Variants in HELLS observed in about 807,000 individuals in gnomAD.
HELLS encodes helicase, lymphoid specific, also known as lymphoid-specific helicase.
HELLS carries 32 observed loss-of-function variants against 120.0 expected under a neutral mutation model. The ratio of observed to expected loss-of-function variants is 0.27; its 90% confidence interval spans 0.20 to 0.36. HELLS has a LOEUF of 0.36. Among genes scored for constraint, HELLS ranks in the 10% least tolerant of loss-of-function variants. HELLS has a pLI of 1.00. For missense variants in HELLS, 650 were observed against 993.4 expected (o/e 0.65, Z 4.65); for synonymous variants, 341 against 323.4 (o/e 1.05, Z -0.58).
chr10:94,559,565 C>T (rs912104471), intron 4 of HELLS, among the ~76,000 whole-genome samples: 8 of 151,994 alleles, frequency 5.3e-5, no homozygotes, highest in African/African-American at 1.9e-4. Context: ...TCTGCCTCAG[C>T]CTCCCGAGTA....
At chr10:94,583,630 A>G (rs1251817732) in intron 12 of HELLS, among the ~76,000 whole-genome samples, 5 of 152,114 alleles carry the variant, frequency 3.3e-5, no homozygotes, top group Non-Finnish European at 7.4e-5. Flanking sequence ...CTTCCTCTTA[A>G]AATTGTATTT....
intron 10 of HELLS, chr10:94,577,103 T>C (rs1322400551): frequency 1.6e-5 from 8 of 492,322 alleles, no homozygotes; most frequent in Admixed American, 2.8e-5. Context: ...ACAGGTACTT[T>C]GAATATATGG....
At chr10:94,558,833 C>T (rs1843399874) in intron 4 of HELLS, among the ~76,000 whole-genome samples, 1 of 152,222 alleles carries the variant, frequency 6.6e-6, no homozygotes, top group African/African-American at 2.4e-5. Flanking sequence ...CATCTCCTGA[C>T]CTTGTGATCT....
At chr10:94,567,225 C>T (rs1262096618) in intron 6 of HELLS, among the ~76,000 whole-genome samples, 7 of 152,090 alleles carry the variant, frequency 4.6e-5, no homozygotes, top group Non-Finnish European at 1.0e-4. Flanking sequence ...ATTATAGATA[C>T]ATTGTGTTTT....
intron 17 of HELLS, 52 bp from the exon 18 acceptor site, chr10:94,593,447 T>G: frequency 8.8e-7 from 1 of 1,139,604 alleles, no homozygotes; most frequent in East Asian, 2.4e-5. Flanking sequence ...TCCTTCAGTC[T>G]TGTTGGTTAA....
chr10:94,563,028 A>C, intron 6 of HELLS, 152 bp downstream of exon 6: 2 of 590,642 alleles, frequency 3.4e-6, no homozygotes, highest in Non-Finnish European at 6.0e-6. Flanking sequence ...GAAGCTGCCA[A>C]AATGTTTGAA....
At chr10:94,578,483 G>GGTGA (rs1440706065) in intron 10 of HELLS, among the ~76,000 whole-genome samples, 2 of 152,090 alleles carry the variant, frequency 1.3e-5, no homozygotes, top group African/African-American at 4.8e-5. Context: ...GATCACTTGA[G>GGTGA]GTGAGGAGTT....
chr10:94,610,655 G>T (rs1414895998), exon 10 of HELLS: 1 of 151,856 alleles, frequency 6.6e-6, no homozygotes, highest in African/African-American at 2.4e-5. Context: ...ATGGCACGAT[G>T]TTGGCTCACT....
intron 9 of HELLS, among the ~76,000 whole-genome samples, chr10:94,608,709 C>G (rs1233359431): frequency 1.3e-5 from 2 of 151,422 alleles, no homozygotes; most frequent in African/African-American, 4.9e-5. Flanking sequence ...GCCTCCAACT[C>G]CTGGGCTTGA....
Position 94,571,386 on chromosome 10 carries a change from A to G in HELLS, c.436-2A>G, listed in dbSNP as rs761090827. On this transcript the variant is annotated splice_acceptor_variant, in intron 6 of 21. Coordinates refer to ENST00000348459, the MANE Select transcript of HELLS (RefSeq NM_018063.5). LOFTEE classifies it high-confidence loss of function. ...TTTGTTTTTGTTTTCTCAAACTACT[A>G]GGAAATTTTGTCTGTGGCTAAAAAA... The G allele has an allele frequency of 1.4e-6, 2 of 1,479,094 alleles. No individual in the cohort carries two copies. Among genetic ancestry groups the G allele is most frequent in the South Asian group, 2.3e-5 (2 of 85,692 alleles). 91.6% of individuals were successfully genotyped at this position (1,479,094 alleles called of 1,614,324 possible). A position where few individuals can be genotyped will look rare whatever the true frequency, so the allele number is the denominator to read the frequency against.
At chr10:94,555,174 C>T (rs1843189714) in intron 3 of HELLS, among the ~76,000 whole-genome samples, 1 of 151,992 alleles carries the variant, frequency 6.6e-6, no homozygotes, top group African/African-American at 2.4e-5. Context: ...CAGTGGCTCA[C>T]GCCTGTAATC....
rs190149844 is a variant in HELLS, at chr10:94,568,245, T to C, written c.436-3143T>C. Among the ~76,000 whole-genome samples, 361 of 151,820 alleles carry C rather than the reference T, an allele frequency of 2.4e-3. 3 individuals carry two copies. Among genetic ancestry groups the C allele is most frequent in the Non-Finnish European group, 8.8e-4 (60 of 67,896 alleles). ...TTTTTAAAGAGTAGCCTGTGCATATTTCCTTACACATTATGCAGTTGAGCA... is the reference window on the plus strand; with the variant it reads ...TTTTTAAAGAGTAGCCTGTGCATATCTCCTTACACATTATGCAGTTGAGCA... On this transcript the variant is annotated intron_variant, in intron 6 of 21. Transcript: ENST00000348459.
intron 2 of HELLS, among the ~76,000 whole-genome samples, chr10:94,550,515 C>T (rs984479028): frequency 3.3e-5 from 5 of 151,836 alleles, no homozygotes; most frequent in African/African-American, 7.3e-5. Flanking sequence ...CTCCTGACAT[C>T]GTGATCTGCC....
intron 6 of HELLS, among the ~76,000 whole-genome samples, chr10:94,567,799 A>G (rs778623596): frequency 7.9e-5 from 12 of 151,978 alleles, no homozygotes; most frequent in Non-Finnish European, 1.2e-4. Flanking sequence ...TCCCAGCTAC[A>G]CAGGAGGCTG....
chr10:94,550,221 ATTTT>A (rs774628188), intron 2 of HELLS, among the ~76,000 whole-genome samples: 5 of 145,724 alleles, frequency 3.4e-5, no homozygotes, highest in Non-Finnish European at 6.1e-5. Context: ...TGCCCAGCTG[ATTTT>A]TTTTTTTAGG....
chr10:94,562,159 T>C (rs1401616394), intron 4 of HELLS, among the ~76,000 whole-genome samples: 1 of 151,796 alleles, frequency 6.6e-6, no homozygotes. Context: ...ATCCCAGCAC[T>C]TGGGGAGGCC....
intron 6 of HELLS, among the ~76,000 whole-genome samples, chr10:94,568,948 T>A (rs771506679): frequency 6.6e-6 from 1 of 151,848 alleles, no homozygotes; most frequent in Non-Finnish European, 1.5e-5. Context: ...TTCAAGCGAT[T>A]CTCCTGCCTC....
chr10:94,573,912 C>A, intron 7 of HELLS, 48 bp from the exon 8 acceptor site: 2 of 1,038,002 alleles, frequency 1.9e-6, no homozygotes, highest in Non-Finnish European at 2.9e-6. Flanking sequence ...TGGTGGCATA[C>A]AGCAGCATTT....
chr10:94,556,313 T>C (rs1008504845), intron 3 of HELLS, among the ~76,000 whole-genome samples: 2 of 152,142 alleles, frequency 1.3e-5, no homozygotes, highest in African/African-American at 4.8e-5. Context: ...GTTTGTTTTT[T>C]TCTCAATATT....
Sources: gnomAD v4.1 joint callset for allele counts (sites outside exome capture counted in the v4.1 genomes callset) on GRCh38, gnomAD v4.1.1 for gene constraint, MANE v1.5 for transcripts, NCBI Gene and HGNC (gene_info 2026-07-23, HGNC 2026-07-21) for gene names.